SLC22A7: variants seen among roughly 807,000 people sequenced by gnomAD.
SLC22A7 encodes the protein solute carrier family 22 member 7.
In SLC22A7, 48 loss-of-function variants were observed where a neutral mutation model predicts 62.2. The observed-to-expected ratio is 0.77, with a 90% CI of 0.61 to 0.98. SLC22A7 has a LOEUF of 0.98. SLC22A7 is among the 50% of genes least tolerant of loss of function. The pLI is 0.00. For missense variants in SLC22A7, 581 were observed against 703.8 expected (o/e 0.83, Z 1.97); for synonymous variants, 276 against 314.8 (o/e 0.88, Z 1.30).
At chr6:43,304,296 C>T (rs1157015241) in intron 10 of SLC22A7, 52 bp downstream of exon 10, 1 of 1,395,580 alleles carries the variant, frequency 7.2e-7, no homozygotes, top group South Asian at 1.5e-5. Context: ...CATATGGATG[C>T]AGGTGCTCAG....
chr6:43,302,588 A>G lies in SLC22A7; in HGVS notation c.1277-67A>G, dbSNP rs2841646. On this transcript the variant is annotated intron_variant, in intron 8 of 10. Coordinates refer to ENST00000372585, the MANE Select transcript of SLC22A7 (RefSeq NM_153320.2). The surrounding 1 kb of genome is among the most constrained non-coding windows in gnomAD (Gnocchi z 5.0). ...GTTTGGCCCACTCTGGAGACTCCGC[A>G]CCCTATCCAGAACACCCCTGGCTCT... The G allele has an allele frequency of 1, 1,280,126 of 1,285,288 alleles. 637,609 individuals are homozygous for G. Among genetic ancestry groups the G allele is most frequent in the East Asian group, 1 (40,089 of 40,090 alleles). 79.6% of individuals were successfully genotyped at this position (1,285,288 alleles called of 1,614,324 possible).
chr6:43,304,401 G>A (rs1221341319), intron 10 of SLC22A7, 157 bp downstream of exon 10: 3 of 669,448 alleles, frequency 4.5e-6, no homozygotes, highest in East Asian at 3.0e-5. Flanking sequence ...GTTTCAGGGT[G>A]CATGATTGGG....
chr6:43,301,442 C>T (rs56401710), intron 6 of SLC22A7, 141 bp from the exon 7 acceptor site: 1 of 1,031,532 alleles, frequency 9.7e-7, no homozygotes, highest in Non-Finnish European at 1.4e-6. Flanking sequence ...ATTCGAGACC[C>T]ACTCGTCTCA....
rs2150733804 is a variant in SLC22A7 at position 43,301,660 on chromosome 6, C to T, written c.1029C>T (p.Leu343=). The change falls in exon 7 of 11, where the codon CTC becomes CTT. Residue 343 remains leucine, a synonymous_variant. Coordinates refer to ENST00000372585, the MANE Select transcript of SLC22A7 (RefSeq NM_153320.2). The part of the protein sequence containing the change: ...SYLDLFRTPR[L]RHISLCCVVV... ...TAGACCTGTTCCGCACACCACGGCTCCGACACATCTCACTGTGCTGCGTGG... is the reference window on the plus strand; with the variant it reads ...TAGACCTGTTCCGCACACCACGGCTTCGACACATCTCACTGTGCTGCGTGG... The T allele has an allele frequency of 1.2e-6, 2 of 1,613,890 alleles. No homozygotes were observed. The highest frequency in any genetic ancestry group is 1.7e-6 in the Non-Finnish European group (2 of 1,179,890).
At position 43,302,884 on chromosome 6, in the gene SLC22A7, T is replaced by C; in HGVS notation, c.1385+121T>C. The C allele has an allele frequency of 1.3e-6, 1 of 743,280 alleles. No homozygotes were observed. The highest frequency in any genetic ancestry group is 2.2e-6 in the Non-Finnish European group (1 of 457,376). The allele number at this position is 743,280 out of a possible 1,614,324, so 46.0% of individuals were successfully genotyped here. On this transcript the variant is annotated intron_variant, in intron 9 of 10. Coordinates refer to ENST00000372585, the MANE Select transcript of SLC22A7 (RefSeq NM_153320.2). The surrounding 1 kb of genome is among the most constrained non-coding windows in gnomAD (Gnocchi z 5.0). ...ACTCATTTTTTTTTTAATTTTAATT[T>C]TTGGTAGAGACGGGGTCTTGCTATA...
At chr6:43,301,474 C>A in intron 6 of SLC22A7, 109 bp from the exon 7 acceptor site, 1 of 1,053,664 alleles carries the variant, frequency 9.5e-7, no homozygotes, top group Non-Finnish European at 1.4e-6. Context: ...CATCTCCATC[C>A]CCACCACTGC....
chr6:43,302,688 T>C lies in SLC22A7; in HGVS notation c.1310T>C (p.Met437Thr). Residue 437 changes from methionine (M) to threonine (T), a missense_variant, in exon 9 of 11, where the codon ATG becomes ACG. Coordinates refer to ENST00000372585, the MANE Select transcript of SLC22A7 (RefSeq NM_153320.2). The surrounding 1 kb of genome is among the most constrained non-coding windows in gnomAD (Gnocchi z 5.0). Reference protein sequence around the residue: ...MKSWSTVLAVMGKAFSEAAFT... With the variant: ...MKSWSTVLAVTGKAFSEAAFT... ...TCCTGGAGCACTGTCCTGGCAGTGA[T>C]GGGGAAAGCTTTTTCTGAAGCTGCC... 1.2e-6 allele frequency: 2 copies of C among 1,608,348 alleles called. No homozygotes were observed. The highest frequency in any genetic ancestry group is 8.5e-7 in the Non-Finnish European group (1 of 1,176,822).
chr6:43,302,954 G>A lies in SLC22A7; in HGVS notation c.1385+191G>A, dbSNP rs567475145. ...ACTCCTGGTCTCAAGCGATCCTCCC[G>A]CCTCAGCCTCCAAAAGTGCTCGTAT... On this transcript the variant is annotated intron_variant, in intron 9 of 10. Coordinates refer to ENST00000372585, the MANE Select transcript of SLC22A7 (RefSeq NM_153320.2). This position sits in a 1 kb window ranked among gnomAD's most constrained non-coding sequence, Gnocchi z 5.0. The A allele has an allele frequency of 5.0e-4, 141 of 279,950 alleles. No individual in the cohort carries two copies. The highest frequency in any genetic ancestry group is 6.8e-4 in the Non-Finnish European group (127 of 185,486). 17.3% of individuals were successfully genotyped at this position (279,950 alleles called of 1,614,324 possible).
chr6:43,300,983 A>C, intron 5 of SLC22A7, 152 bp from the exon 6 acceptor site: 1 of 952,088 alleles, frequency 1.1e-6, no homozygotes, highest in Non-Finnish European at 1.6e-6. Context: ...ATAAGAGCTC[A>C]TCAAGTGTGG....
chr6:43,301,577 T>C lies in SLC22A7; in HGVS notation c.952-6T>C, dbSNP rs1778750159. The stretch of plus-strand genomic sequence containing the variant: ...GATGTTACAACCTCACCTCCTTCCC[T>C]ACCAGGCTGTGAGCAAAGTGGCCGC... On this transcript the variant is annotated splice_region_variant and splice_polypyrimidine_tract_variant and intron_variant, in intron 6 of 10. Coordinates refer to ENST00000372585, the MANE Select transcript of SLC22A7 (RefSeq NM_153320.2). 6.2e-7 allele frequency: 1 copy of C among 1,610,904 alleles called. No homozygotes were observed. Among genetic ancestry groups the C allele is most frequent in the Admixed American group, 1.7e-5 (1 of 60,010 alleles).
chr6:43,305,520 A>G lies in SLC22A7; in HGVS notation c.*795A>G, dbSNP rs1372675132. The G allele has an allele frequency of 2.1e-6, 1 of 466,094 alleles. No homozygotes were observed. The highest frequency in any genetic ancestry group is 4.3e-5 in the East Asian group (1 of 23,068). The allele number at this position is 466,094 out of a possible 1,614,324, so 28.9% of individuals were successfully genotyped here. On this transcript the variant is annotated 3_prime_UTR_variant, in exon 11 of 11. Coordinates refer to ENST00000372585, the MANE Select transcript of SLC22A7 (RefSeq NM_153320.2). ...AAGCCACAGAGGCTGAAATTCAATA[A>G]ACACAAGTTTTATGAGTACCTTGAA...
At position 43,302,651 on chromosome 6, in the gene SLC22A7, C is replaced by T; in HGVS notation, c.1277-4C>T. 1.3e-6 allele frequency: 2 copies of T among 1,595,568 alleles called. No individual in the cohort carries two copies. Among genetic ancestry groups the T allele is most frequent in the Non-Finnish European group, 1.7e-6 (2 of 1,168,240 alleles). On this transcript the variant is annotated splice_region_variant and splice_polypyrimidine_tract_variant and intron_variant, in intron 8 of 10. Coordinates refer to ENST00000372585, the MANE Select transcript of SLC22A7 (RefSeq NM_153320.2). The surrounding 1 kb of genome is among the most constrained non-coding windows in gnomAD (Gnocchi z 5.0). The stretch of plus-strand genomic sequence containing the variant: ...TCTCACTACCTGAACCCGCTTCCCT[C>T]CAGATATGAAGTCCTGGAGCACTGT...
At chr6:43,296,501 T>C (rs1778567267), upstream of SLC22A7, among the ~76,000 whole-genome samples, 1 of 152,234 alleles carries the variant, frequency 6.6e-6, no homozygotes, top group Admixed American at 6.5e-5. Flanking sequence ...TTTATATTAA[T>C]AATATCATTA....
chr6:43,302,206 A>C lies in SLC22A7; in HGVS notation c.1068A>C (p.Gly356=), dbSNP rs781709967. 1.5e-5 allele frequency: 23 copies of C among 1,576,620 alleles called. No individual in the cohort carries two copies. The highest frequency in any genetic ancestry group is 1.9e-5 in the Non-Finnish European group (22 of 1,156,304). ...GCACTGAGACTCCTTTCAGGTTCGG[A>C]GTGAACTTCTCCTATTACGGCCTGA... The part of the protein sequence containing the change: ...ISLCCVVVWF[G]VNFSYYGLSL... Residue 356 remains glycine (G), a synonymous_variant, in exon 8 of 11, where the codon GGA becomes GGC. Transcript: ENST00000372585. This position sits in a 1 kb window ranked among gnomAD's most constrained non-coding sequence, Gnocchi z 5.0.
In SLC22A7 at chr6:43,298,323, G is replaced by A; in HGVS notation, c.-36G>A. 4 of 1,564,312 alleles carry A rather than the reference G, an allele frequency of 2.6e-6. No homozygotes were observed. Among genetic ancestry groups the A allele is most frequent in the Non-Finnish European group, 3.5e-6 (4 of 1,147,586 alleles). On this transcript the variant is annotated 5_prime_UTR_variant, in exon 1 of 11. Coordinates refer to ENST00000372585, the MANE Select transcript of SLC22A7 (RefSeq NM_153320.2). ...AGTTTGAGCTGGCTGGATACTAGAG[G>A]GAGGCTGCACCTGAAGCATTTGGTG...
At position 43,301,619 on chromosome 6, in the gene SLC22A7, C is replaced by A. The variant is rs372174256; in HGVS notation, c.988C>A (p.Arg330=). 1.9e-6 allele frequency: 3 copies of A among 1,614,010 alleles called. No homozygotes were observed. The highest frequency in any genetic ancestry group is 2.2e-5 in the South Asian group (2 of 91,074). ...AGTGGCCGCCGGGGAACGGGTGGTCCGAAGACCTTCATACCTAGACCTGTT... is the reference window on the plus strand; with the variant it reads ...AGTGGCCGCCGGGGAACGGGTGGTCAGAAGACCTTCATACCTAGACCTGTT... The part of the protein sequence containing the change: ...SKVAAGERVV[R]RPSYLDLFRT... The change falls in exon 7 of 11, where the codon CGA becomes AGA. Residue 330 remains arginine, a synonymous_variant. Coordinates refer to ENST00000372585, the MANE Select transcript of SLC22A7 (RefSeq NM_153320.2).
chr6:43,299,301 G>T lies in SLC22A7; in HGVS notation c.400-89G>T. ...TACCAGAATGGCAGAGTTCGCCTCA[G>T]AAGGCTCCAGGGTCTGGAGAGGAGG... On this transcript the variant is annotated intron_variant, in intron 2 of 10. Transcript: ENST00000372585. The surrounding 1 kb of genome is among the most constrained non-coding windows in gnomAD (Gnocchi z 4.4). The T allele has an allele frequency of 6.2e-7, 1 of 1,605,396 alleles. No homozygotes were observed. The highest frequency in any genetic ancestry group is 8.5e-7 in the Non-Finnish European group (1 of 1,175,640).
intron 9 of SLC22A7, among the ~76,000 whole-genome samples, chr6:43,303,814 G>T (rs1039829387): frequency 6.6e-6 from 1 of 152,208 alleles, no homozygotes; most frequent in African/African-American, 2.4e-5. Flanking sequence ...ATACCTAATT[G>T]GTACTCTGTC....
rs1272574169 is a variant in SLC22A7, at chr6:43,299,254, G to A, written c.400-136G>A. On this transcript the variant is annotated intron_variant, in intron 2 of 10. Coordinates refer to ENST00000372585, the MANE Select transcript of SLC22A7 (RefSeq NM_153320.2). This position sits in a 1 kb window ranked among gnomAD's most constrained non-coding sequence, Gnocchi z 4.4. ...CCCAAGCTGGCGTGAATCGTTGGGA[G>A]GTTTATTATCTGGCATGGAGGTACC... The A allele has an allele frequency of 1.9e-6, 3 of 1,606,998 alleles. No homozygotes were observed. The Admixed American group carries it at 5.1e-5, about 28-fold the overall frequency.
Sources: gnomAD v4.1 joint callset for allele counts (sites outside exome capture counted in the v4.1 genomes callset) on GRCh38, gnomAD v4.1.1 for gene constraint, Gnocchi (gnomAD v3.1) non-coding constraint, MANE v1.5 for transcripts, NCBI Gene and HGNC (gene_info 2026-07-23, HGNC 2026-07-21) for gene names.